Variants in SHFL observed in about 807,000 individuals in gnomAD.
SHFL encodes the protein shiftless antiviral inhibitor of ribosomal frameshifting.
SHFL carries 12 observed loss-of-function variants against 34.7 expected under a neutral mutation model. That is an observed-to-expected ratio of 0.35 (90% confidence interval 0.22 to 0.56). The LOEUF is 0.56. SHFL is among the 20% of genes least tolerant of loss of function. The probability of loss-of-function intolerance (pLI) is 0.88; values close to 1 mark genes in which losing one functional copy is unlikely to be tolerated. For missense variants in SHFL, 278 were observed against 411.1 expected (o/e 0.68, Z 2.80); for synonymous variants, 148 against 156.0 (o/e 0.95, Z 0.38).
rs1455641164 is a variant in SHFL, at chr19:10,092,987, C to T, written c.*685C>T. 2.0e-6 allele frequency: 1 copy of T among 505,898 alleles called. No individual in the cohort carries two copies. Among genetic ancestry groups the T allele is most frequent in the East Asian group, 3.1e-5 (1 of 32,640 alleles). 31.3% of individuals were successfully genotyped at this position (505,898 alleles called of 1,614,324 possible). A position where few individuals can be genotyped will look rare whatever the true frequency, so the allele number is the denominator to read the frequency against. On this transcript the variant is annotated 3_prime_UTR_variant, in exon 8 of 8. Coordinates refer to ENST00000253110, the MANE Select transcript of SHFL (RefSeq NM_018381.4). ...ATAGCCTTAATTCCTTCCCTATCTC[C>T]TTACCAAAGTACAAGTCACATCTTT...
Position 10,092,287 on chromosome 19 carries a change from C to G in SHFL, c.861C>G (p.Gly287=). 6.3e-7 allele frequency: 1 copy of G among 1,581,844 alleles called. No individual in the cohort carries two copies. Among genetic ancestry groups the G allele is most frequent in the Non-Finnish European group, 8.6e-7 (1 of 1,164,266 alleles). ...AGGAGGAGGTGGAGGACGAGGAGGG[C>G]GGGCCCAGGGAGTGACCCCTGCCAG... is the stretch of plus-strand genomic sequence containing the variant. ...EEEEEVEDEE[G]GPRE The change falls in exon 8 of 8, where the codon GGC becomes GGG. Residue 287 remains glycine, a synonymous_variant. Coordinates refer to ENST00000253110, the MANE Select transcript of SHFL (RefSeq NM_018381.4).
chr19:10,091,442 G>C lies in SHFL; in HGVS notation c.489-34G>C. 1.5e-6 allele frequency: 2 copies of C among 1,313,104 alleles called. No homozygotes were observed. The highest frequency in any genetic ancestry group is 3.9e-5 in the East Asian group (1 of 25,776). The allele number at this position is 1,313,104 out of a possible 1,614,324, so 81.3% of individuals were successfully genotyped here. ...CCTGGCCCCACCCTGGCCCAGCCTC[G>C]CCCTCGGACCCTCACAGCCCTGCCC... On this transcript the variant is annotated intron_variant, in intron 6 of 7. Transcript: ENST00000253110. This position sits in a 1 kb window ranked among gnomAD's most constrained non-coding sequence, Gnocchi z 8.2.
Position 10,089,430 on chromosome 19 carries a change from TCA to T in SHFL, c.196-226_196-225del, listed in dbSNP as rs2145154848. The T allele has an allele frequency of 5.1e-6, 8 of 1,583,688 alleles. No homozygotes were observed. The South Asian group carries it at 6.6e-5, about 13-fold the overall frequency. On this transcript the variant is annotated intron_variant, in intron 3 of 7. Coordinates refer to ENST00000253110, the MANE Select transcript of SHFL (RefSeq NM_018381.4). The stretch of plus-strand genomic sequence containing the variant: ...ACTCAGGCAAGCCCTCCCCTAAGCC[TCA>T]GTTTCCCCATCTGAGCAATAAGGTA...
In SHFL at chr19:10,086,810, G is replaced by GA; in HGVS notation, c.22-119_22-118insA. ...CCGTAAAGGGATGAAAGGCGGGGGG[G>GA]GGGCGGCGGAGGCCAAAACCAAGGG... On this transcript the variant is annotated intron_variant, in intron 1 of 7. Coordinates refer to ENST00000253110, the MANE Select transcript of SHFL (RefSeq NM_018381.4). The surrounding 1 kb of genome is among the most constrained non-coding windows in gnomAD (Gnocchi z 5.2). 3 of 1,210,728 alleles carry GA rather than the reference G, an allele frequency of 2.5e-6. No individual in the cohort carries two copies. In the South Asian group the frequency reaches 4.5e-5, roughly 18 times the overall value. The allele number at this position is 1,210,728 out of a possible 1,614,324, so 75.0% of individuals were successfully genotyped here. A position where few individuals can be genotyped will look rare whatever the true frequency, so the allele number is the denominator to read the frequency against.
In SHFL at chr19:10,091,159, G is replaced by C; in HGVS notation, c.385-91G>C. On this transcript the variant is annotated intron_variant, in intron 5 of 7. Coordinates refer to ENST00000253110, the MANE Select transcript of SHFL (RefSeq NM_018381.4). The surrounding 1 kb of genome is among the most constrained non-coding windows in gnomAD (Gnocchi z 8.2). The stretch of plus-strand genomic sequence containing the variant: ...TGGGTTGCTCAAGCTGAGGCCAGCC[G>C]CTGCAGCACACTGCTAGCCCTGACC... 8.9e-7 allele frequency: 1 copy of C among 1,120,664 alleles called. No homozygotes were observed. Among genetic ancestry groups the C allele is most frequent in the South Asian group, 1.4e-5 (1 of 71,218 alleles). 69.4% of individuals were successfully genotyped at this position (1,120,664 alleles called of 1,614,324 possible).
chr19:10,087,228 C>G, intron 2 of SHFL, 23 bp from the exon 3 acceptor site: 1 of 1,613,948 alleles, frequency 6.2e-7, no homozygotes, highest in Non-Finnish European at 8.5e-7. Context: ...GGGCCCTTCC[C>G]TTATATGCAC....
In SHFL at chr19:10,087,234, T is replaced by C. The variant is rs1310515574; in HGVS notation, c.146-17T>C. ...ACCCTTCAAGGGCCCTTCCCTTATATGCACTCTCCCCCGCAGGGGTAAAGC... is the reference window on the plus strand; with the variant it reads ...ACCCTTCAAGGGCCCTTCCCTTATACGCACTCTCCCCCGCAGGGGTAAAGC... On this transcript the variant is annotated splice_polypyrimidine_tract_variant and intron_variant, in intron 2 of 7. Transcript: ENST00000253110. 1.2e-6 allele frequency: 2 copies of C among 1,613,930 alleles called. No homozygotes were observed. Among genetic ancestry groups the C allele is most frequent in the African/African-American group, 1.3e-5 (1 of 75,048 alleles).
At chr19:10,089,404 C>T (rs1263650318) in intron 3 of SHFL, 1 of 1,596,406 alleles carries the variant, frequency 6.3e-7, no homozygotes. Context: ...AGGCTAGCCT[C>T]ACTCAGGCAA....
chr19:10,093,187 C>T lies in SHFL; in HGVS notation c.*885C>T. 1 of 971,188 alleles carries T rather than the reference C, an allele frequency of 1.0e-6. No homozygotes were observed. The highest frequency in any genetic ancestry group is 1.5e-6 in the Non-Finnish European group (1 of 656,550). 60.2% of individuals were successfully genotyped at this position (971,188 alleles called of 1,614,324 possible). On this transcript the variant is annotated 3_prime_UTR_variant, in exon 8 of 8. Coordinates refer to ENST00000253110, the MANE Select transcript of SHFL (RefSeq NM_018381.4). ...GAATCTGGACTCCCCATCCCCCCAC[C>T]AGGATAAAAGTCCTGACCTTTGTTC...
chr19:10,093,230 CT>C lies in SHFL; in HGVS notation c.*930del. 1 of 1,329,234 alleles carries C rather than the reference CT, an allele frequency of 7.5e-7. No individual in the cohort carries two copies. Among genetic ancestry groups the C allele is most frequent in the Non-Finnish European group, 1.0e-6 (1 of 968,648 alleles). The allele number at this position is 1,329,234 out of a possible 1,614,324, so 82.3% of individuals were successfully genotyped here. ...CTTTGTTCTCTTGACGGAATAAAAG[CT>C]TGCTTATCCTTATACTTACCAGAGG... On this transcript the variant is annotated 3_prime_UTR_variant, in exon 8 of 8. Coordinates refer to ENST00000253110, the MANE Select transcript of SHFL (RefSeq NM_018381.4).
chr19:10,089,402 C>T (rs181712115), intron 3 of SHFL: 2 of 1,597,822 alleles, frequency 1.3e-6, no homozygotes, highest in South Asian at 2.2e-5. Context: ...TCAGGCTAGC[C>T]TCACTCAGGC....
rs1207855221 is a variant in SHFL at position 10,086,535 on chromosome 19, T to A, written c.21+87T>A. On this transcript the variant is annotated intron_variant, in intron 1 of 7. Transcript: ENST00000253110. This position sits in a 1 kb window ranked among gnomAD's most constrained non-coding sequence, Gnocchi z 5.2. ...GGCGCGGAGGGGGCTTCGCAGTTCC[T>A]GGGGACCCCCATCCTAGAACCCCAG... 3.3e-6 allele frequency: 4 copies of A among 1,227,542 alleles called. No homozygotes were observed. Among genetic ancestry groups the A allele is most frequent in the Non-Finnish European group, 4.2e-6 (4 of 953,070 alleles). The allele number at this position is 1,227,542 out of a possible 1,614,324, so 76.0% of individuals were successfully genotyped here. A position where few individuals can be genotyped will look rare whatever the true frequency, so the allele number is the denominator to read the frequency against.
chr19:10,092,637 TGCCCCACCA>T lies in SHFL; in HGVS notation c.*336_*344del, dbSNP rs2088417290. The T allele has an allele frequency of 6.2e-7, 1 of 1,613,494 alleles. No individual in the cohort carries two copies. The highest frequency in any genetic ancestry group is 8.5e-7 in the Non-Finnish European group (1 of 1,179,634). On this transcript the variant is annotated 3_prime_UTR_variant, in exon 8 of 8. Coordinates refer to ENST00000253110, the MANE Select transcript of SHFL (RefSeq NM_018381.4). ...GCATGGCGGCCTTCCTGAGAGAATA[TGCCCCACCA>T]CGAAACTCAGCCCAGTAGACACCAT...
In SHFL at chr19:10,091,447, C is replaced by T. The variant is rs752672390; in HGVS notation, c.489-29C>T. 9.1e-6 allele frequency: 14 copies of T among 1,540,956 alleles called. No individual in the cohort carries two copies. The highest frequency in any genetic ancestry group is 2.4e-5 in the East Asian group (1 of 41,354). ...CCCCACCCTGGCCCAGCCTCGCCCTCGGACCCTCACAGCCCTGCCCGCCCC... is the reference window on the plus strand; with the variant it reads ...CCCCACCCTGGCCCAGCCTCGCCCTTGGACCCTCACAGCCCTGCCCGCCCC... On this transcript the variant is annotated intron_variant, in intron 6 of 7. Transcript: ENST00000253110. This position sits in a 1 kb window ranked among gnomAD's most constrained non-coding sequence, Gnocchi z 8.2.
Position 10,093,057 on chromosome 19 carries a change from C to A in SHFL, c.*755C>A. ...AGGAGTCTACCGTTCATTCCTTTAT[C>A]AAAGAAAAGTATCTACTTCCTTTCT... On this transcript the variant is annotated 3_prime_UTR_variant, in exon 8 of 8. Coordinates refer to ENST00000253110, the MANE Select transcript of SHFL (RefSeq NM_018381.4). The A allele has an allele frequency of 2.0e-6, 1 of 490,072 alleles. No individual in the cohort carries two copies. The highest frequency in any genetic ancestry group is 3.6e-6 in the Non-Finnish European group (1 of 280,658). 30.4% of individuals were successfully genotyped at this position (490,072 alleles called of 1,614,324 possible).
intron 3 of SHFL, 101 bp from the exon 4 acceptor site, chr19:10,089,556 A>AG: frequency 6.8e-7 from 1 of 1,472,238 alleles, no homozygotes. Context: ...CTGGCGAGTT[A>AG]GGGGCACCCT....
rs2145160378 is a variant in SHFL, at chr19:10,091,961, A to G, written c.644-109A>G. 13 of 1,341,448 alleles carry G rather than the reference A, an allele frequency of 9.7e-6. No homozygotes were observed. Among genetic ancestry groups the G allele is most frequent in the Non-Finnish European group, 1.3e-5 (13 of 969,564 alleles). The allele number at this position is 1,341,448 out of a possible 1,614,324, so 83.1% of individuals were successfully genotyped here. A position where few individuals can be genotyped will look rare whatever the true frequency, so the allele number is the denominator to read the frequency against. On this transcript the variant is annotated intron_variant, in intron 7 of 7. Transcript: ENST00000253110. The surrounding 1 kb of genome is among the most constrained non-coding windows in gnomAD (Gnocchi z 8.2). ...AATGTCCAGTTGTGCTGGTCCCCGT[A>G]TCTGGTGGTCTCAGCTCCTCCCTAG...
Position 10,092,646 on chromosome 19 carries a change from A to C in SHFL, c.*344A>C. 2 of 1,613,834 alleles carry C rather than the reference A, an allele frequency of 1.2e-6. No homozygotes were observed. Among genetic ancestry groups the C allele is most frequent in the South Asian group, 2.2e-5 (2 of 91,068 alleles). The stretch of plus-strand genomic sequence containing the variant: ...CCTTCCTGAGAGAATATGCCCCACC[A>C]CGAAACTCAGCCCAGTAGACACCAT... On this transcript the variant is annotated 3_prime_UTR_variant, in exon 8 of 8. Transcript: ENST00000253110.
Position 10,087,342 on chromosome 19 carries a change from G to A in SHFL, c.195+42G>A, listed in dbSNP as rs1208529019. 8 of 1,612,232 alleles carry A rather than the reference G, an allele frequency of 5.0e-6. No homozygotes were observed. In the East Asian group the frequency reaches 1.1e-4, roughly 22 times the overall value. ...CCTCGCAAAGGACCGGGTCACGGGA[G>A]GGAGAGCAAGAGGGGGGACCCGACC... On this transcript the variant is annotated intron_variant, in intron 3 of 7. Coordinates refer to ENST00000253110, the MANE Select transcript of SHFL (RefSeq NM_018381.4).
Sources: allele counts gnomAD v4.1 joint callset, GRCh38; gene constraint gnomAD v4.1.1; non-coding constraint Gnocchi (gnomAD v3.1); transcripts MANE v1.5; gene names NCBI Gene and HGNC (gene_info 2026-07-23, HGNC 2026-07-21).